The following DLGAP4 variants were observed in gnomAD, a reference collection of about 807,000 sequenced individuals.
DLGAP4 encodes DLG associated protein 4.
A neutral mutation model predicts 86.9 loss-of-function variants in DLGAP4; 18 were observed. That is an observed-to-expected ratio of 0.21 (90% CI 0.14 to 0.31). The LOEUF is 0.31. Ranked by LOEUF, DLGAP4 falls within the 10% of genes least tolerant of loss-of-function variation. DLGAP4 has a pLI of 1.00. For missense variants in DLGAP4, 1,085 were observed against 1,362.6 expected, an observed-to-expected ratio of 0.80 and a Z score of 3.21; for synonymous variants, 548 against 574.3, an observed-to-expected ratio of 0.95 and a Z score of 0.65.
chr20:36,378,817 G>C (rs1221584613), intron 2 of DLGAP4, among the ~76,000 whole-genome samples: 1 of 152,096 alleles, frequency 6.6e-6, no homozygotes, highest in African/African-American at 2.4e-5. Flanking sequence ...GTTCGGGGAA[G>C]CTGGAGTAAT....
intron 2 of DLGAP4, among the ~76,000 whole-genome samples, chr20:36,398,614 T>C (rs1277318838): frequency 6.6e-6 from 1 of 152,238 alleles, no homozygotes; most frequent in Non-Finnish European, 1.5e-5. Context: ...CTAGGCACTA[T>C]GCTGAATGTT....
intron 1 of DLGAP4, among the ~76,000 whole-genome samples, chr20:36,320,115 T>TCTCCC (rs2065152103): frequency 1.4e-4 from 13 of 90,578 alleles, no homozygotes; most frequent in African/African-American, 7.2e-4. Flanking sequence ...CGCATTCCCC[T>TCTCCC]AGGCCCCCCT....
intron 10 of DLGAP4, among the ~76,000 whole-genome samples, chr20:36,502,716 C>G (rs1856603427): frequency 6.6e-6 from 1 of 151,972 alleles, no homozygotes; most frequent in Admixed American, 6.6e-5. Context: ...CTTAAAGGCA[C>G]CATCATTTTT....
intron 2 of DLGAP4, among the ~76,000 whole-genome samples, chr20:36,414,295 C>T (rs554019938): frequency 6.6e-6 from 1 of 152,160 alleles, no homozygotes; most frequent in African/African-American, 2.4e-5. Context: ...TGAGTGCCTG[C>T]GTCGTCCCCC....
intron 1 of DLGAP4, among the ~76,000 whole-genome samples, chr20:36,316,081 A>G (rs2065096497): frequency 6.6e-6 from 1 of 152,202 alleles, no homozygotes; most frequent in Non-Finnish European, 1.5e-5. Flanking sequence ...TGGGGGATCA[A>G]TCACAAAGCG....
At chr20:36,371,689 A>T (rs2030942807) in intron 2 of DLGAP4, among the ~76,000 whole-genome samples, 1 of 152,202 alleles carries the variant, frequency 6.6e-6, no homozygotes, top group Non-Finnish European at 1.5e-5. Flanking sequence ...CAGCTGTTAG[A>T]AACGGGGCCA....
At chr20:36,391,763 C>T (rs2031791731) in intron 2 of DLGAP4, among the ~76,000 whole-genome samples, 1 of 152,198 alleles carries the variant, frequency 6.6e-6, no homozygotes, top group South Asian at 2.1e-4. Context: ...GTGCAAAGTG[C>T]TCAGCTCTGG....
intron 7 of DLGAP4, among the ~76,000 whole-genome samples, chr20:36,466,250 T>C (rs2034346652): frequency 6.6e-6 from 1 of 152,188 alleles, no homozygotes; most frequent in Non-Finnish European, 1.5e-5. Context: ...CTGTGTGACC[T>C]TGGATTAGTC....
chr20:36,393,710 T>C lies in DLGAP4; in HGVS notation c.-73+26435T>C, dbSNP rs566294163. 1.3e-5 allele frequency among the ~76,000 whole-genome samples: 2 copies of C among 152,168 alleles called. No homozygotes were observed. The highest frequency in any genetic ancestry group is 2.9e-5 in the Non-Finnish European group (2 of 68,018). ...AGGAGGGAAGGAAAGGGGGGCTCTGTGCCTGCACCCTTTGTGGCACTTTAG... is the reference window on the plus strand; with the variant it reads ...AGGAGGGAAGGAAAGGGGGGCTCTGCGCCTGCACCCTTTGTGGCACTTTAG... On this transcript the variant is annotated intron_variant, in intron 2 of 12. Transcript: ENST00000339266. This position sits in a 1 kb window ranked among gnomAD's most constrained non-coding sequence, Gnocchi z 4.4.
intron 7 of DLGAP4, among the ~76,000 whole-genome samples, chr20:36,453,934 C>CAAAAAAAAAAAAA (rs1194294335): frequency 2.3e-5 from 1 of 42,676 alleles, no homozygotes; most frequent in African/African-American, 8.5e-5. Context: ...ACTCTGTCTC[C>CAAAAAAAAAAAAA]AAAAAAAAAA....
At chr20:36,453,934 CAAAAA>C (rs1194294335) in intron 7 of DLGAP4, among the ~76,000 whole-genome samples, 3 of 42,694 alleles carry the variant, frequency 7.0e-5, no homozygotes, top group African/African-American at 1.7e-4. Flanking sequence ...ACTCTGTCTC[CAAAAA>C]AAAAAAAAAA....
intron 2 of DLGAP4, among the ~76,000 whole-genome samples, chr20:36,404,377 C>A (rs376456087): frequency 5.9e-5 from 9 of 152,136 alleles, no homozygotes; most frequent in African/African-American, 2.2e-4. Flanking sequence ...GTGGTCACCC[C>A]CAAAGTCCAT....
intron 3 of DLGAP4, among the ~76,000 whole-genome samples, chr20:36,435,572 T>C (rs1462960999): frequency 5.3e-5 from 8 of 152,242 alleles, no homozygotes; most frequent in Non-Finnish European, 1.0e-4. Context: ...GAAGCACCTC[T>C]GCTCTCTGTA....
chr20:36,387,663 T>A (rs988915617), intron 2 of DLGAP4, among the ~76,000 whole-genome samples: 1 of 152,208 alleles, frequency 6.6e-6, no homozygotes, highest in Non-Finnish European at 1.5e-5. Context: ...CAAGTTTAGG[T>A]CTTTTATCTT....
At chr20:36,453,953 A>AAAAAG (rs2033811273) in intron 7 of DLGAP4, among the ~76,000 whole-genome samples, 1 of 148,006 alleles carries the variant, frequency 6.8e-6, no homozygotes, top group Non-Finnish European at 1.5e-5. Context: ...AAAAAAAAAA[A>AAAAAG]AAAGAAAGAA....
chr20:36,484,433 T>C (rs956486540), intron 7 of DLGAP4, among the ~76,000 whole-genome samples: 40 of 152,196 alleles, frequency 2.6e-4, no homozygotes, highest in Admixed American at 2.6e-3. Flanking sequence ...TGAGCAGCTC[T>C]CCTAAGGAGC....
chr20:36,311,548 G>A (rs1387197384), intron 1 of DLGAP4, among the ~76,000 whole-genome samples: 1 of 152,130 alleles, frequency 6.6e-6, no homozygotes. Flanking sequence ...AATAATAACT[G>A]TATCACTGGC....
chr20:36,412,674 G>A (rs1259536515), intron 2 of DLGAP4, among the ~76,000 whole-genome samples: 10 of 152,168 alleles, frequency 6.6e-5, no homozygotes, highest in Non-Finnish European at 1.3e-4. Context: ...AAGTGCTTAC[G>A]TGTATGTAGG....
chr20:36,404,181 A>G (rs1315797590), intron 2 of DLGAP4, among the ~76,000 whole-genome samples: 1 of 152,194 alleles, frequency 6.6e-6, no homozygotes, highest in Admixed American at 6.5e-5. Flanking sequence ...TGTACCTTCC[A>G]GTGTCAGATG....
Sources: gnomAD v4.1 joint callset for allele counts (sites outside exome capture counted in the v4.1 genomes callset) on GRCh38, gnomAD v4.1.1 for gene constraint, Gnocchi (gnomAD v3.1) non-coding constraint, MANE v1.5 for transcripts, NCBI Gene and HGNC (gene_info 2026-07-23, HGNC 2026-07-21) for gene names.